SYT9: variants seen among roughly 807,000 people sequenced by gnomAD.
SYT9 encodes the protein synaptotagmin 9.
A neutral mutation model predicts 48.4 loss-of-function variants in SYT9; 22 were observed. The ratio of observed to expected loss-of-function variants is 0.45; its 90% CI spans 0.32 to 0.65. The LOEUF (loss-of-function observed/expected upper bound fraction) is 0.65, where lower values mean the gene tolerates loss of function less well. Ranked by LOEUF, SYT9 falls within the 30% of genes least tolerant of loss-of-function variation. The pLI is 0.03. For synonymous variants in SYT9, 265 were observed against 245.0 expected, an observed-to-expected ratio of 1.08 and a Z score of -0.76; for missense variants, 577 against 622.0, an observed-to-expected ratio of 0.93 and a Z score of 0.77.
At chr11:7,369,926 G>T (rs1850331532) in intron 3 of SYT9, among the ~76,000 whole-genome samples, 1 of 151,312 alleles carries the variant, frequency 6.6e-6, no homozygotes, top group Non-Finnish European at 1.5e-5. Context: ...ATAAGTTTTT[G>T]GGGTACAGGT....
intron 3 of SYT9, among the ~76,000 whole-genome samples, chr11:7,348,089 G>T (rs902891808): frequency 6.6e-6 from 1 of 152,128 alleles, no homozygotes; most frequent in African/African-American, 2.4e-5. Flanking sequence ...GAATTTAAAG[G>T]AACTCTTTCT....
At chr11:7,420,705 C>T in intron 6 of SYT9, 70 bp downstream of exon 6, 5 of 1,586,402 alleles carry the variant, frequency 3.2e-6, no homozygotes, top group East Asian at 2.2e-5. Flanking sequence ...GCAGGAGCTG[C>T]CAAACATATG....
chr11:7,329,019 G>A lies in SYT9; in HGVS notation c.1044+15078G>A, dbSNP rs138295655. ...GAAATTTGATTATAGTATGAATGGT[G>A]TTGAATTTTTAAAAATTATTGTTTA... On this transcript the variant is annotated intron_variant, in intron 3 of 6. Coordinates refer to ENST00000318881, the MANE Select transcript of SYT9 (RefSeq NM_175733.4). Among the ~76,000 whole-genome samples the A allele has an allele frequency of 4.0e-4, 61 of 152,208 alleles. No individual in the cohort carries two copies. In the East Asian group the frequency reaches 9.5e-3, roughly 24 times the overall value.
chr11:7,405,691 C>T (rs1846994463), intron 3 of SYT9, among the ~76,000 whole-genome samples: 2 of 152,114 alleles, frequency 1.3e-5, no homozygotes, highest in Admixed American at 1.3e-4. Flanking sequence ...ATTTAAAAAT[C>T]TGGATGATTA....
intron 6 of SYT9, among the ~76,000 whole-genome samples, chr11:7,451,683 A>G (rs548236697): frequency 1.3e-5 from 2 of 152,162 alleles, no homozygotes; most frequent in African/African-American, 4.8e-5. Context: ...TGTTGGAACT[A>G]TCCGGAAAAG....
chr11:7,296,259 C>A (rs1564851344), intron 1 of SYT9, among the ~76,000 whole-genome samples: 1 of 152,210 alleles, frequency 6.6e-6, no homozygotes, highest in Non-Finnish European at 1.5e-5. Flanking sequence ...AAATGCATAT[C>A]TTGACTGTAT....
chr11:7,283,346 G>T (rs935932585), intron 1 of SYT9, among the ~76,000 whole-genome samples: 8 of 151,996 alleles, frequency 5.3e-5, no homozygotes, highest in African/African-American at 1.9e-4. Context: ...GTGAAAGATT[G>T]AAGACAGTGG....
intron 1 of SYT9, among the ~76,000 whole-genome samples, chr11:7,280,112 T>G (rs1452919725): frequency 6.6e-6 from 1 of 152,298 alleles, no homozygotes; most frequent in African/African-American, 2.4e-5. Context: ...AAGGTATGCA[T>G]AAATATACAC....
intron 1 of SYT9, among the ~76,000 whole-genome samples, chr11:7,240,939 C>A (rs1288907854): frequency 6.6e-6 from 1 of 152,090 alleles, no homozygotes; most frequent in South Asian, 2.1e-4. Context: ...ACCAACAAGA[C>A]CCTTTAAGAA....
chr11:7,256,232 G>T (rs1017082308), intron 1 of SYT9, among the ~76,000 whole-genome samples: 4 of 152,150 alleles, frequency 2.6e-5, no homozygotes, highest in Non-Finnish European at 5.9e-5. Flanking sequence ...TCTGTGCCAA[G>T]CACTTTATGT....
At chr11:7,370,356 T>G (rs1427631953) in intron 3 of SYT9, among the ~76,000 whole-genome samples, 2 of 152,172 alleles carry the variant, frequency 1.3e-5, no homozygotes, top group African/African-American at 4.8e-5. Flanking sequence ...ACTGTTTCCT[T>G]TTGCCCCTAT....
chr11:7,383,163 A>G (rs1850597723), intron 3 of SYT9, among the ~76,000 whole-genome samples: 1 of 152,170 alleles, frequency 6.6e-6, no homozygotes, highest in African/African-American at 2.4e-5. Flanking sequence ...CCCGGCTTGG[A>G]CCATCAGTGT....
At chr11:7,333,509 C>G (rs1849579676) in intron 3 of SYT9, among the ~76,000 whole-genome samples, 1 of 152,148 alleles carries the variant, frequency 6.6e-6, no homozygotes, top group African/African-American at 2.4e-5. Flanking sequence ...AAAAACTGAA[C>G]AGATCTATGA....
intron 6 of SYT9, among the ~76,000 whole-genome samples, chr11:7,461,996 G>C (rs994464121): frequency 1.3e-5 from 2 of 152,130 alleles, no homozygotes; most frequent in African/African-American, 4.8e-5. Context: ...TTCCCCTCAA[G>C]GTCTACTTGA....
chr11:7,391,789 G>A (rs921760248), intron 3 of SYT9, among the ~76,000 whole-genome samples: 3 of 137,774 alleles, frequency 2.2e-5, no homozygotes, highest in South Asian at 4.9e-4. Flanking sequence ...GGTGGCATAC[G>A]CCTGTAGTCC....
chr11:7,286,822 A>G (rs1848603684), intron 1 of SYT9, among the ~76,000 whole-genome samples: 1 of 152,112 alleles, frequency 6.6e-6, no homozygotes, highest in Non-Finnish European at 1.5e-5. Context: ...CCCCGTCTCT[A>G]TCTAAGACCA....
chr11:7,337,276 T>A (rs7930713), intron 3 of SYT9, among the ~76,000 whole-genome samples: 152,165 of 152,226 alleles, frequency 1, 76,052 homozygotes, highest in Non-Finnish European at 1. Context: ...TAGGTATAGG[T>A]TCATGTTGTC....
At chr11:7,367,822 T>C (rs1420185555) in intron 3 of SYT9, among the ~76,000 whole-genome samples, 1 of 152,228 alleles carries the variant, frequency 6.6e-6, no homozygotes, top group African/African-American at 2.4e-5. Context: ...CCCTCATTCC[T>C]GAGTTTATAA....
At chr11:7,377,022 T>G (rs1589982666) in intron 3 of SYT9, among the ~76,000 whole-genome samples, 1 of 149,606 alleles carries the variant, frequency 6.7e-6, no homozygotes, top group South Asian at 2.2e-4. Flanking sequence ...CATGTTTGTA[T>G]CTCCTTTATC....
Sources: allele counts gnomAD v4.1 joint callset (sites outside exome capture counted in the v4.1 genomes callset), GRCh38; gene constraint gnomAD v4.1.1; transcripts MANE v1.5; gene names NCBI Gene and HGNC (gene_info 2026-07-23, HGNC 2026-07-21).